Variants in UGGT2 observed in about 807,000 individuals in gnomAD.
UGGT2 encodes UDP-glucose glycoprotein glucosyltransferase 2.
In UGGT2, 180 loss-of-function variants were observed where a neutral mutation model predicts 192.1. The ratio of observed to expected loss-of-function variants is 0.94; its 90% CI spans 0.83 to 1.06. The LOEUF is 1.06. Ranked by LOEUF, UGGT2 falls within the 50% of genes least tolerant of loss-of-function variation. The pLI, the probability that UGGT2 is intolerant of heterozygous loss-of-function variation, is 0.00. For synonymous variants in UGGT2, 580 were observed against 591.0 expected (o/e 0.98, Z 0.27); for missense variants, 1,849 against 1,795.7 (o/e 1.03, Z -0.54).
At chr13:96,013,510 G>GA in intron 4 of UGGT2, 29 bp from the exon 5 acceptor site, 1 of 1,437,368 alleles carries the variant, frequency 7.0e-7, no homozygotes, top group East Asian at 2.5e-5. Context: ...ACAAAGTTTT[G>GA]AAAAAACTGA....
intron 27 of UGGT2, among the ~76,000 whole-genome samples, chr13:95,883,972 G>T (rs2047567464): frequency 6.8e-6 from 1 of 147,148 alleles, no homozygotes; most frequent in Non-Finnish European, 1.5e-5. Context: ...TGAGAAGCAG[G>T]TATACCTGGC....
chr13:95,807,960 C>T (rs1182492639), intron 38 of UGGT2, among the ~76,000 whole-genome samples: 1 of 151,942 alleles, frequency 6.6e-6, no homozygotes, highest in African/African-American at 2.4e-5. Context: ...CAATCTTTTC[C>T]AAAGAGTACT....
intron 17 of UGGT2, 141 bp from the exon 18 acceptor site, chr13:95,927,477 T>C (rs1437731459): frequency 2.4e-6 from 2 of 816,538 alleles, no homozygotes; most frequent in Admixed American, 3.4e-5. Flanking sequence ...TTTCTTTTTT[T>C]TTTTTTTTTT....
At chr13:95,967,541 C>T (rs1380347254) in intron 12 of UGGT2, among the ~76,000 whole-genome samples, 1 of 146,140 alleles carries the variant, frequency 6.8e-6, no homozygotes, top group African/African-American at 2.5e-5. Flanking sequence ...TAGGGCGATC[C>T]TGGCTCACTG....
At chr13:95,809,502 C>T (rs1884475429) in intron 38 of UGGT2, 1 of 348,730 alleles carries the variant, frequency 2.9e-6, no homozygotes, top group African/African-American at 2.2e-5. Flanking sequence ...CCTTTTCTGG[C>T]TTAGTTTCCA....
At chr13:95,863,105 C>A (rs569824901) in intron 31 of UGGT2, among the ~76,000 whole-genome samples, 1 of 152,148 alleles carries the variant, frequency 6.6e-6, no homozygotes, top group African/African-American at 2.4e-5. Flanking sequence ...TCAAGCAATC[C>A]TCCTGCCATC....
intron 27 of UGGT2, among the ~76,000 whole-genome samples, chr13:95,878,124 C>T (rs977938972): frequency 5.9e-5 from 9 of 151,736 alleles, no homozygotes; most frequent in Non-Finnish European, 8.8e-5. Flanking sequence ...AAGACGTGAA[C>T]ATGAGATTTA....
intron 36 of UGGT2, 66 bp from the exon 37 acceptor site, chr13:95,837,268 GAAGT>G (rs777887517): frequency 7.5e-6 from 8 of 1,064,066 alleles, no homozygotes; most frequent in Non-Finnish European, 4.4e-6. Context: ...GAAGCTGAAT[GAAGT>G]AAGACATCAG....
At chr13:95,963,435 A>G (rs779668804) in intron 12 of UGGT2, among the ~76,000 whole-genome samples, 1 of 152,188 alleles carries the variant, frequency 6.6e-6, no homozygotes, top group Non-Finnish European at 1.5e-5. Flanking sequence ...ACAAACACAC[A>G]GCTAACATCA....
At chr13:96,041,191 G>A (rs1365186342) in intron 1 of UGGT2, among the ~76,000 whole-genome samples, 1 of 152,198 alleles carries the variant, frequency 6.6e-6, no homozygotes, top group African/African-American at 2.4e-5. Flanking sequence ...GTGAGAGTGG[G>A]AAAGGGGGAT....
chr13:95,999,389 G>A, intron 5 of UGGT2, 82 bp from the exon 6 acceptor site: 1 of 1,246,368 alleles, frequency 8.0e-7, no homozygotes, highest in East Asian at 2.3e-5. Context: ...CGATGTATTT[G>A]GACATAAGGG....
intron 1 of UGGT2, among the ~76,000 whole-genome samples, chr13:96,033,437 C>T (rs1247245598): frequency 6.6e-6 from 1 of 152,072 alleles, no homozygotes; most frequent in Non-Finnish European, 1.5e-5. Flanking sequence ...CGGACCCGGA[C>T]ATCCCTGTGC....
intron 25 of UGGT2, 99 bp from the exon 26 acceptor site, chr13:95,888,070 G>T: frequency 2.6e-6 from 2 of 763,490 alleles, no homozygotes; most frequent in Non-Finnish European, 4.0e-6. Flanking sequence ...AAAACTTTAT[G>T]TTCATTATCT....
intron 1 of UGGT2, among the ~76,000 whole-genome samples, chr13:96,050,360 C>A (rs559263245): frequency 6.6e-6 from 1 of 152,150 alleles, no homozygotes; most frequent in Non-Finnish European, 1.5e-5. Context: ...AATGTTAGAT[C>A]TAAAACCATA....
At chr13:95,820,946 T>C (rs1255974624) in intron 38 of UGGT2, among the ~76,000 whole-genome samples, 13 of 152,168 alleles carry the variant, frequency 8.5e-5, no homozygotes, top group Admixed American at 3.3e-4. Flanking sequence ...AGTATTTTCA[T>C]TCCTTTTAGT....
At chr13:95,964,810 C>G (rs2050515437) in intron 12 of UGGT2, among the ~76,000 whole-genome samples, 1 of 151,458 alleles carries the variant, frequency 6.6e-6, no homozygotes, top group African/African-American at 2.4e-5. Flanking sequence ...AACAGGCAAC[C>G]TACAAAATGG....
At chr13:95,929,465 A>G (rs983880839) in intron 17 of UGGT2, among the ~76,000 whole-genome samples, 2 of 152,114 alleles carry the variant, frequency 1.3e-5, no homozygotes, top group Non-Finnish European at 1.5e-5. Flanking sequence ...TCTCCCCTCT[A>G]GAAATCCCCA....
In UGGT2 at chr13:95,952,249, G is replaced by T. The variant is rs369667579; in HGVS notation, c.1336-2795C>A. On this transcript the variant is annotated intron_variant, in intron 12 of 38. Coordinates refer to ENST00000376747, the MANE Select transcript of UGGT2 (RefSeq NM_020121.4). ...AGAAATTAACAAAAAAAGATACGAC[G>T]GCCCCAGGCTTTGCTAGGGTCCAAG... Among the ~76,000 whole-genome samples, 9 of 151,916 alleles carry T rather than the reference G, an allele frequency of 5.9e-5. No homozygotes were observed. In the South Asian group the frequency reaches 1.9e-3, roughly 32 times the overall value.
chr13:95,895,677 T>G (rs2140257299), intron 22 of UGGT2, among the ~76,000 whole-genome samples: 1 of 152,164 alleles, frequency 6.6e-6, no homozygotes, highest in East Asian at 1.9e-4. Flanking sequence ...CTGAATTCAA[T>G]TTTGAAAGCA....
Sources: gnomAD v4.1 joint callset for allele counts (sites outside exome capture counted in the v4.1 genomes callset) on GRCh38, gnomAD v4.1.1 for gene constraint, MANE v1.5 for transcripts, NCBI Gene and HGNC (gene_info 2026-07-23, HGNC 2026-07-21) for gene names.